The following METTL16 variants were observed in gnomAD, a reference collection of about 807,000 sequenced individuals.
METTL16 encodes methyltransferase 16, RNA N6-adenosine.
METTL16 carries 19 observed loss-of-function variants against 57.9 expected under a neutral mutation model. The observed-to-expected ratio is 0.33, with a 90% CI of 0.23 to 0.48. METTL16 has a LOEUF of 0.48. Among genes scored for constraint, METTL16 ranks in the 20% least tolerant of loss-of-function variants. The probability of loss-of-function intolerance (pLI) is 0.99; values close to 1 mark genes in which losing one functional copy is unlikely to be tolerated. For synonymous variants in METTL16, 246 were observed against 255.6 expected, an observed-to-expected ratio of 0.96 and a Z score of 0.36; for missense variants, 434 against 691.5, an observed-to-expected ratio of 0.63 and a Z score of 4.18.
rs148088818 is a variant in METTL16, at chr17:2,467,643, G to C, written c.585+118C>G. Reference sequence around the variant, plus strand: ...GAGTTTCACCATGTTGGCCAGGCTGGTCTCAAACTCCTGACTTCATGATTC... The same window carrying C: ...GAGTTTCACCATGTTGGCCAGGCTGCTCTCAAACTCCTGACTTCATGATTC... On this transcript the variant is annotated intron_variant, in intron 5 of 9. Coordinates refer to ENST00000263092, the MANE Select transcript of METTL16 (RefSeq NM_024086.4). The C allele has an allele frequency of 5.4e-3, 3,664 of 682,174 alleles. 35 individuals carry two copies. Among genetic ancestry groups the C allele is most frequent in the South Asian group, 0.012 (711 of 60,158 alleles). The allele number at this position is 682,174 out of a possible 1,614,324, so 42.3% of individuals were successfully genotyped here.
intron 8 of METTL16, among the ~76,000 whole-genome samples, chr17:2,434,280 C>G (rs1456433520): frequency 6.6e-6 from 1 of 152,192 alleles, no homozygotes; most frequent in African/African-American, 2.4e-5. Flanking sequence ...CTCACTGTAA[C>G]CTCCGCCCAC....
intron 8 of METTL16, among the ~76,000 whole-genome samples, chr17:2,429,935 C>T (rs943215489): frequency 4.6e-5 from 7 of 151,528 alleles, no homozygotes; most frequent in African/African-American, 1.2e-4. Flanking sequence ...CTCAGCCTCC[C>T]GAGTAGCTGG....
intron 2 of METTL16, among the ~76,000 whole-genome samples, chr17:2,493,884 C>A (rs1294793917): frequency 2.0e-5 from 3 of 152,036 alleles, no homozygotes; most frequent in South Asian, 2.1e-4. Context: ...GCGAACCATG[C>A]GAGGTTGCAA....
At chr17:2,440,287 T>C (rs2066938598) in intron 7 of METTL16, among the ~76,000 whole-genome samples, 1 of 151,630 alleles carries the variant, frequency 6.6e-6, no homozygotes, top group South Asian at 2.1e-4. Context: ...TCTCGCTGTG[T>C]CACCAGGCTG....
intron 2 of METTL16, among the ~76,000 whole-genome samples, chr17:2,489,330 C>T (rs982067989): frequency 6.6e-5 from 10 of 152,002 alleles, no homozygotes; most frequent in African/African-American, 2.2e-4. Context: ...CATCCAAACA[C>T]CTCTTTGCCC....
At chr17:2,500,625 T>TC (rs2067480722) in intron 2 of METTL16, among the ~76,000 whole-genome samples, 1 of 152,110 alleles carries the variant, frequency 6.6e-6, no homozygotes, top group South Asian at 2.1e-4. Flanking sequence ...ATCCTGCTCC[T>TC]CTTCCTTCCC....
chr17:2,419,072 C>T lies in METTL16; in HGVS notation c.*898G>A, dbSNP rs1054169979. 1 of 153,406 alleles carries T rather than the reference C, an allele frequency of 6.5e-6. No individual in the cohort carries two copies. The highest frequency in any genetic ancestry group is 1.5e-5 in the Non-Finnish European group (1 of 68,944). 9.5% of individuals were successfully genotyped at this position (153,406 alleles called of 1,614,324 possible). On this transcript the variant is annotated 3_prime_UTR_variant, in exon 10 of 10. Transcript: ENST00000263092. ...ACAAAATATCTGAGACTTTCTTAAG[C>T]TACCTACGGCACATACTATTTTGTT...
At chr17:2,446,362 T>C (rs2066995176) in intron 6 of METTL16, among the ~76,000 whole-genome samples, 1 of 152,196 alleles carries the variant, frequency 6.6e-6, no homozygotes, top group African/African-American at 2.4e-5. Flanking sequence ...TAAAACTGCC[T>C]TTACTTCTGC....
intron 2 of METTL16, among the ~76,000 whole-genome samples, chr17:2,494,348 T>C (rs1174987458): frequency 6.6e-6 from 1 of 152,088 alleles, no homozygotes; most frequent in African/African-American, 2.4e-5. Flanking sequence ...TGTGGGTACA[T>C]GGTAGGTATA....
intron 4 of METTL16, among the ~76,000 whole-genome samples, chr17:2,470,778 T>G (rs1163439188): frequency 6.6e-6 from 1 of 152,220 alleles, no homozygotes; most frequent in Non-Finnish European, 1.5e-5. Context: ...CCAGCCTGGG[T>G]GACAGTGAGA....
rs570960127 is a variant in METTL16 at position 2,424,488 on chromosome 17, G to C, written c.889-3584C>G. 4 of 152,342 alleles carry C rather than the reference G, an allele frequency of 2.6e-5. No homozygotes were observed. The South Asian group carries it at 8.3e-4, about 32-fold the overall frequency. 9.4% of individuals were successfully genotyped at this position (152,342 alleles called of 1,614,324 possible). A position where few individuals can be genotyped will look rare whatever the true frequency, so the allele number is the denominator to read the frequency against. On this transcript the variant is annotated intron_variant, in intron 8 of 9. Coordinates refer to ENST00000263092, the MANE Select transcript of METTL16 (RefSeq NM_024086.4). ...GCTGGTCTGGAACTCATAGGCTGAA[G>C]CTCTCCATCTGCCTCAGCCTCCCAA... is the stretch of plus-strand genomic sequence containing the variant.
At position 2,428,582 on chromosome 17, in the gene METTL16, TA is replaced by T. The variant is rs1597438303; in HGVS notation, c.889-7679del. Among the ~76,000 whole-genome samples the T allele has an allele frequency of 1.1e-4, 4 of 37,774 alleles. 1 individual carries two copies. Among genetic ancestry groups the T allele is most frequent in the East Asian group, 3.3e-3 (1 of 300 alleles). 24.8% of individuals were successfully genotyped at this position (37,774 alleles called of 152,430 possible). The stretch of plus-strand genomic sequence containing the variant: ...AAAAAAAAATATATATATATATATA[TA>T]TATATATATATATATATATAAATTG... On this transcript the variant is annotated intron_variant, in intron 8 of 9. Coordinates refer to ENST00000263092, the MANE Select transcript of METTL16 (RefSeq NM_024086.4).
At chr17:2,439,649 T>C (rs192318347) in intron 7 of METTL16, among the ~76,000 whole-genome samples, 1 of 152,204 alleles carries the variant, frequency 6.6e-6, no homozygotes, top group East Asian at 1.9e-4. Context: ...ATTAAAAAAA[T>C]ATTAAAAAGG....
chr17:2,477,313 AG>A (rs1441848651), intron 3 of METTL16: 1 of 191,112 alleles, frequency 5.2e-6, no homozygotes, highest in African/African-American at 2.3e-5. Context: ...GTGGGAGAAA[AG>A]GCCAGGTGTA....
intron 6 of METTL16, among the ~76,000 whole-genome samples, chr17:2,454,603 C>T (rs1481649018): frequency 6.1e-5 from 9 of 146,924 alleles, no homozygotes; most frequent in Admixed American, 3.4e-4. Context: ...CTTGCTCAGC[C>T]GCCCAGGGTG....
chr17:2,483,034 A>G (rs977747911), intron 2 of METTL16, among the ~76,000 whole-genome samples: 26 of 151,554 alleles, frequency 1.7e-4, no homozygotes, highest in African/African-American at 5.6e-4. Context: ...AAAAAAAAAA[A>G]GCAGCAAGAA....
chr17:2,486,934 G>T (rs1180577808), intron 2 of METTL16, among the ~76,000 whole-genome samples: 1 of 147,860 alleles, frequency 6.8e-6, no homozygotes, highest in African/African-American at 2.5e-5. Context: ...AGCCTGGGAG[G>T]TGGAGGCTGC....
chr17:2,510,743 G>C (rs998871353), intron 1 of METTL16, among the ~76,000 whole-genome samples: 1 of 151,768 alleles, frequency 6.6e-6, no homozygotes, highest in Non-Finnish European at 1.5e-5. Context: ...GCTCCCTGCA[G>C]CCTCCAACTC....
At chr17:2,509,658 GACTGGAGGATC>G (rs2067573143) in intron 1 of METTL16, among the ~76,000 whole-genome samples, 2 of 152,322 alleles carry the variant, frequency 1.3e-5, no homozygotes, top group African/African-American at 4.8e-5. Context: ...CGGAGGCCAA[GACTGGAGGATC>G]ACCTGAGGTC....
Sources: gnomAD v4.1 joint callset for allele counts (sites outside exome capture counted in the v4.1 genomes callset) on GRCh38, gnomAD v4.1.1 for gene constraint, MANE v1.5 for transcripts, NCBI Gene and HGNC (gene_info 2026-07-23, HGNC 2026-07-21) for gene names.